Variants in DENND2C observed in about 807,000 individuals in gnomAD.
The protein encoded by DENND2C is DENN domain containing 2C.
DENND2C carries 72 observed loss-of-function variants against 112.4 expected under a neutral mutation model. The observed-to-expected ratio is 0.64, with a 90% CI of 0.53 to 0.78. The LOEUF is 0.78. Ranked by LOEUF, DENND2C falls within the 30% of genes least tolerant of loss-of-function variation. The pLI, the probability that DENND2C is intolerant of heterozygous loss-of-function variation, is 0.00. For missense variants in DENND2C, 992 were observed against 1,113.8 expected (o/e 0.89, Z 1.56); for synonymous variants, 329 against 381.6 (o/e 0.86, Z 1.61).
chr1:114,604,598 T>C (rs1655607440), intron 11 of DENND2C, among the ~76,000 whole-genome samples: 1 of 151,944 alleles, frequency 6.6e-6, no homozygotes, highest in African/African-American at 2.4e-5. Context: ...AGTCTCAAAA[T>C]CCAAGTCTTT....
intron 1 of DENND2C, among the ~76,000 whole-genome samples, chr1:114,660,609 T>C (rs1316576684): frequency 1.3e-5 from 2 of 152,180 alleles, no homozygotes; most frequent in Non-Finnish European, 2.9e-5. Context: ...CTGTGAGACT[T>C]GCACGGGAGG....
At chr1:114,609,668 C>A (rs1330531330) in intron 9 of DENND2C, among the ~76,000 whole-genome samples, 1 of 152,180 alleles carries the variant, frequency 6.6e-6, no homozygotes, top group Non-Finnish European at 1.5e-5. Flanking sequence ...ATAGTCTACA[C>A]GTCCCAGTGA....
chr1:114,633,270 C>A (rs1271377557), intron 3 of DENND2C, among the ~76,000 whole-genome samples: 2 of 151,602 alleles, frequency 1.3e-5, no homozygotes, highest in Non-Finnish European at 2.9e-5. Flanking sequence ...CATTGTGAAG[C>A]CCCGTCCCTA....
chr1:114,667,155 T>A (rs1657668188), intron 1 of DENND2C, among the ~76,000 whole-genome samples: 2 of 152,146 alleles, frequency 1.3e-5, no homozygotes, highest in African/African-American at 4.8e-5. Context: ...CTCCTATTCA[T>A]CCTTCAAAGC....
In DENND2C at chr1:114,594,550, G is replaced by C; in HGVS notation, c.2354C>G (p.Pro785Arg). ...CTGCATCAGGGCAGCTTGAAGTTTT[G>C]GTGGTAGAATTTCATCCTCATCAGA... is the stretch of plus-strand genomic sequence containing the variant. ...EVSDEDEILP[P>R]KLQAALMQIL... The change falls in exon 18 of 21, where the codon CCA becomes CGA. Residue 785 changes from proline (P) to arginine (R), a missense_variant. By Grantham distance (103) the Pro-to-Arg change is moderately radical. This residue lies in a region of DENND2C where 516 missense variants were observed against 623.6 expected (regional missense o/e 0.83). Coordinates refer to ENST00000393274, the MANE Select transcript of DENND2C (RefSeq NM_001256404.2). The C allele has an allele frequency of 1.9e-6, 3 of 1,613,592 alleles. No individual in the cohort carries two copies. The South Asian group carries it at 3.3e-5, about 18-fold the overall frequency.
chr1:114,664,824 G>T (rs900561683), intron 1 of DENND2C, among the ~76,000 whole-genome samples: 9 of 150,400 alleles, frequency 6.0e-5, no homozygotes, highest in Admixed American at 1.3e-4. Context: ...CGGGTGTGGT[G>T]GCTCACACCT....
intron 3 of DENND2C, among the ~76,000 whole-genome samples, chr1:114,630,600 C>T (rs935043046): frequency 2.0e-5 from 3 of 151,926 alleles, no homozygotes; most frequent in South Asian, 2.1e-4. Context: ...GCAACCTTAC[C>T]GAGTTGAGGA....
intron 2 of DENND2C, among the ~76,000 whole-genome samples, chr1:114,653,281 A>G (rs1269591819): frequency 6.6e-6 from 1 of 151,844 alleles, no homozygotes; most frequent in African/African-American, 2.4e-5. Flanking sequence ...TAATTCTGGT[A>G]TGTTTTTAGT....
At chr1:114,661,963 AT>A (rs1368602804) in intron 1 of DENND2C, among the ~76,000 whole-genome samples, 1 of 152,188 alleles carries the variant, frequency 6.6e-6, no homozygotes, top group Non-Finnish European at 1.5e-5. Flanking sequence ...CTCAACCCTG[AT>A]TTATGTCAAT....
intron 2 of DENND2C, among the ~76,000 whole-genome samples, chr1:114,649,930 T>G (rs1657106606): frequency 6.6e-6 from 1 of 152,232 alleles, no homozygotes; most frequent in Non-Finnish European, 1.5e-5. Context: ...TGGGACATTT[T>G]GGTGTATCTT....
chr1:114,645,263 T>A (rs1205106500), intron 3 of DENND2C, among the ~76,000 whole-genome samples, 185 bp downstream of exon 3: 1 of 152,116 alleles, frequency 6.6e-6, no homozygotes, highest in African/African-American at 2.4e-5. Context: ...GATTTGGAGA[T>A]CAGGTCTCTT....
intron 16 of DENND2C, among the ~76,000 whole-genome samples, chr1:114,597,548 G>A (rs1171126187): frequency 3.3e-5 from 5 of 151,918 alleles, no homozygotes; most frequent in East Asian, 1.9e-4. Flanking sequence ...TTGGGAGGCC[G>A]AAGAAGGCAG....
intron 1 of DENND2C, among the ~76,000 whole-genome samples, chr1:114,657,325 T>C: frequency 6.6e-6 from 1 of 152,344 alleles, no homozygotes; most frequent in South Asian, 2.1e-4. Context: ...TCATATTTTA[T>C]TTTTTAAGAT....
chr1:114,642,821 G>A (rs770344535), intron 3 of DENND2C, among the ~76,000 whole-genome samples: 12 of 152,162 alleles, frequency 7.9e-5, no homozygotes, highest in Non-Finnish European at 1.3e-4. Context: ...ACAGTGACTG[G>A]AATACAGTAA....
At chr1:114,615,668 T>C (rs1381267882) in intron 8 of DENND2C, among the ~76,000 whole-genome samples, 1 of 152,240 alleles carries the variant, frequency 6.6e-6, no homozygotes, top group East Asian at 1.9e-4. Flanking sequence ...CAGTGACCAG[T>C]TGATTTTAAT....
At chr1:114,595,772 C>T (rs1003470037) in intron 17 of DENND2C, 60 bp downstream of exon 17, 1 of 1,450,316 alleles carries the variant, frequency 6.9e-7, no homozygotes, top group Non-Finnish European at 9.7e-7. Flanking sequence ...ATTGTCTGTC[C>T]AATTATCTAC....
intron 3 of DENND2C, among the ~76,000 whole-genome samples, chr1:114,639,659 C>T (rs1202979544): frequency 2.1e-5 from 3 of 141,514 alleles, no homozygotes; most frequent in Middle Eastern, 3.5e-3. Flanking sequence ...TTCTTTTTTT[C>T]TTCATATTCC....
Position 114,584,174 on chromosome 1 carries a change from T to C in DENND2C, c.*1426A>G, listed in dbSNP as rs905818599. The stretch of plus-strand genomic sequence containing the variant: ...ATTTCCATCTGTAGGACTAACCAAC[T>C]TTTTCTGTGTCCATAAAAGTCTTGG... On this transcript the variant is annotated 3_prime_UTR_variant, in exon 21 of 21. Coordinates refer to ENST00000393274, the MANE Select transcript of DENND2C (RefSeq NM_001256404.2). 1.3e-5 allele frequency: 2 copies of C among 152,206 alleles called. No individual in the cohort carries two copies. Among genetic ancestry groups the C allele is most frequent in the African/African-American group, 4.8e-5 (2 of 41,462 alleles). 9.4% of individuals were successfully genotyped at this position (152,206 alleles called of 1,614,324 possible).
At chr1:114,608,597 T>G (rs1371089660) in intron 10 of DENND2C, 89 bp downstream of exon 10, 1,834 of 1,372,850 alleles carry the variant, frequency 1.3e-3, no homozygotes, top group Non-Finnish European at 1.6e-3. Context: ...AAAAACTTGT[T>G]GAGATAACAA....
Sources: gnomAD v4.1 joint callset for allele counts (sites outside exome capture counted in the v4.1 genomes callset) on GRCh38, gnomAD v4.1.1 for gene constraint, gnomAD v4.1.1 regional missense constraint, MANE v1.5 for transcripts, NCBI Gene and HGNC (gene_info 2026-07-23, HGNC 2026-07-21) for gene names.